NXPE3: variants seen among roughly 807,000 people sequenced by gnomAD.
The protein encoded by NXPE3 is NXPE family member 3.
NXPE3 carries 26 observed loss-of-function variants against 46.1 expected under a neutral mutation model. The observed-to-expected ratio is 0.56, with a 90% CI of 0.41 to 0.78. NXPE3 has a LOEUF of 0.78. Ranked by LOEUF, NXPE3 falls within the 30% of genes least tolerant of loss-of-function variation. NXPE3 has a pLI of 0.00. For missense variants in NXPE3, 620 were observed against 686.0 expected, an observed-to-expected ratio of 0.90 and a Z score of 1.07; for synonymous variants, 272 against 257.9, an observed-to-expected ratio of 1.05 and a Z score of -0.52.
intron 6 of NXPE3, among the ~76,000 whole-genome samples, chr3:101,815,093 A>T (rs974666698): frequency 6.6e-6 from 1 of 152,238 alleles, no homozygotes; most frequent in African/African-American, 2.4e-5. Context: ...GTTTTGAAGC[A>T]TGTAACGTGT....
intron 6 of NXPE3, among the ~76,000 whole-genome samples, chr3:101,814,272 G>A (rs1249399019): frequency 6.6e-6 from 1 of 152,228 alleles, no homozygotes; most frequent in Non-Finnish European, 1.5e-5. Context: ...TAATGAGGGA[G>A]CTTTGCACAA....
intron 7 of NXPE3, among the ~76,000 whole-genome samples, chr3:101,817,866 T>G (rs1043200563): frequency 2.0e-5 from 3 of 152,156 alleles, no homozygotes. Context: ...TTTATCAGCC[T>G]TTTTATTTAT....
chr3:101,814,470 C>A (rs1253543962), intron 6 of NXPE3, among the ~76,000 whole-genome samples: 1 of 152,122 alleles, frequency 6.6e-6, no homozygotes, highest in Non-Finnish European at 1.5e-5. Flanking sequence ...AAAGAATTAG[C>A]AGATGCCGAA....
At chr3:101,814,222 C>T (rs1576776802) in intron 6 of NXPE3, among the ~76,000 whole-genome samples, 1 of 152,326 alleles carries the variant, frequency 6.6e-6, no homozygotes, top group South Asian at 2.1e-4. Context: ...TAGGTGTCGT[C>T]TCTGGAGCTC....
intron 7 of NXPE3, among the ~76,000 whole-genome samples, chr3:101,818,755 T>A (rs868269620): frequency 1.0e-3 from 59 of 57,026 alleles, no homozygotes; most frequent in African/African-American, 2.1e-3. Context: ...ATATATATAT[T>A]TTTTTTTTTT....
Position 101,821,558 on chromosome 3 carries a change from G to T in NXPE3, c.1284G>T (p.Glu428Asp). The T allele has an allele frequency of 1.9e-6, 3 of 1,614,204 alleles. No homozygotes were observed. Among genetic ancestry groups the T allele is most frequent in the Non-Finnish European group, 2.5e-6 (3 of 1,180,042 alleles). ...FSNELHYVAN[E>D]LNGIVGGKNT... ...ATGAGCTCCATTATGTGGCGAATGA[G>T]CTGAATGGCATTGTGGGAGGGAAGA... Residue 428 changes from glutamate (E) to aspartate (D), a missense_variant, in exon 8 of 8, where the codon GAG (glutamate) becomes GAT (aspartate). Coordinates refer to ENST00000273347, the MANE Select transcript of NXPE3 (RefSeq NM_145037.4).
At chr3:101,795,707 T>C (rs1028546711) in intron 4 of NXPE3, among the ~76,000 whole-genome samples, 1 of 152,182 alleles carries the variant, frequency 6.6e-6, no homozygotes, top group Admixed American at 6.5e-5. Context: ...GTATTAGGGC[T>C]TTGGGCTTCA....
At chr3:101,790,843 G>A (rs1940473529) in intron 4 of NXPE3, among the ~76,000 whole-genome samples, 1 of 152,188 alleles carries the variant, frequency 6.6e-6, no homozygotes, top group South Asian at 2.1e-4. Context: ...TGATCCAGCT[G>A]CCTTGGCCTT....
intron 6 of NXPE3, among the ~76,000 whole-genome samples, chr3:101,810,438 C>T (rs763494260): frequency 6.6e-6 from 1 of 152,200 alleles, no homozygotes; most frequent in Admixed American, 6.5e-5. Context: ...GATCTATGCT[C>T]TTACATAATC....
At chr3:101,799,940 G>A (rs897587720) in intron 4 of NXPE3, among the ~76,000 whole-genome samples, 7 of 151,790 alleles carry the variant, frequency 4.6e-5, no homozygotes, top group African/African-American at 1.7e-4. Flanking sequence ...TTAATAATTT[G>A]TGTCCTCCCT....
chr3:101,808,854 T>TATATATACACACATATATATATAC lies in NXPE3; in HGVS notation c.922+1730_922+1731insATATACACACATATATATATACAT, dbSNP rs770360739. ...ATATATATATATATATATATATATA[T>TATATATACACACATATATATATAC]ATGAGACATTTATCTTTTATCTGTT... On this transcript the variant is annotated intron_variant, in intron 6 of 7. Transcript: ENST00000273347. 6.0e-5 allele frequency among the ~76,000 whole-genome samples: 6 copies of TATATATACACACATATATATATAC among 100,348 alleles called. 1 individual carries two copies. The highest frequency in any genetic ancestry group is 3.3e-4 in the Admixed American group (3 of 9,142). 65.8% of individuals were successfully genotyped at this position (100,348 alleles called of 152,430 possible). A position where few individuals can be genotyped will look rare whatever the true frequency, so the allele number is the denominator to read the frequency against.
intron 6 of NXPE3, among the ~76,000 whole-genome samples, chr3:101,811,216 G>A (rs1465248597): frequency 6.6e-6 from 1 of 152,144 alleles, no homozygotes; most frequent in Non-Finnish European, 1.5e-5. Context: ...AGAGTTATGC[G>A]ATGTCCCAAA....
intron 4 of NXPE3, among the ~76,000 whole-genome samples, chr3:101,799,345 C>T (rs1941012616): frequency 6.6e-6 from 1 of 152,074 alleles, no homozygotes. Context: ...TGTATCTAGT[C>T]CTTTTATTTC....
rs1328630223 is a variant in NXPE3, at chr3:101,816,946, A to G, written c.1074A>G (p.Leu358=). ...TECLQRKVVH[L]FGDSTIRQWF... is the part of the protein sequence containing the mutation. The stretch of plus-strand genomic sequence containing the variant: ...GCTTACAAAGAAAAGTGGTGCATTT[A>G]TTTGGTGACTCAACAATCAGGCAAT... Residue 358 remains leucine, a synonymous_variant, in exon 7 of 8, where the codon TTA becomes TTG. Coordinates refer to ENST00000273347, the MANE Select transcript of NXPE3 (RefSeq NM_145037.4). 1.2e-6 allele frequency: 2 copies of G among 1,614,142 alleles called. No individual in the cohort carries two copies. The highest frequency in any genetic ancestry group is 1.7e-6 in the Non-Finnish European group (2 of 1,179,992).
chr3:101,802,035 A>G (rs765583850), intron 5 of NXPE3, 46 bp downstream of exon 5: 3 of 1,532,342 alleles, frequency 2.0e-6, no homozygotes, highest in East Asian at 4.5e-5. Context: ...GTTCTTTTCC[A>G]CTGTCCTTGT....
At chr3:101,789,160 T>G (rs1011097173) in intron 4 of NXPE3, among the ~76,000 whole-genome samples, 12 of 152,212 alleles carry the variant, frequency 7.9e-5, no homozygotes, top group Admixed American at 3.9e-4. Flanking sequence ...TACTTTGGAT[T>G]TAATTGTCTC....
chr3:101,791,782 C>G (rs528234344), intron 4 of NXPE3, among the ~76,000 whole-genome samples: 23 of 152,004 alleles, frequency 1.5e-4, no homozygotes, highest in Middle Eastern at 3.4e-3. Flanking sequence ...GGTAGAATGA[C>G]TTCTATTCCT....
chr3:101,822,954 G>GTTTT lies in NXPE3; in HGVS notation c.*1003_*1004insTTTT, dbSNP rs1293304044. 6.6e-6 allele frequency: 1 copy of GTTTT among 151,644 alleles called. No individual in the cohort carries two copies. Among genetic ancestry groups the GTTTT allele is most frequent in the Non-Finnish European group, 1.5e-5 (1 of 67,914 alleles). The allele number at this position is 151,644 out of a possible 1,614,324, so 9.4% of individuals were successfully genotyped here. Reference sequence around the variant, plus strand: ...ATGACAGTTTTTTGTTTGTTTGTTTGTTTGTTTTTTGGTATTTCTTGATTT... The same window carrying GTTTT: ...ATGACAGTTTTTTGTTTGTTTGTTTGTTTTTTTGTTTTTTGGTATTTCTTGATTT... On this transcript the variant is annotated 3_prime_UTR_variant, in exon 8 of 8. Coordinates refer to ENST00000273347, the MANE Select transcript of NXPE3 (RefSeq NM_145037.4).
At position 101,822,118 on chromosome 3, in the gene NXPE3, T is replaced by C. The variant is rs1560072019; in HGVS notation, c.*164T>C. 3 of 627,522 alleles carry C rather than the reference T, an allele frequency of 4.8e-6. No homozygotes were observed. The highest frequency in any genetic ancestry group is 8.2e-6 in the Non-Finnish European group (3 of 365,314). 38.9% of individuals were successfully genotyped at this position (627,522 alleles called of 1,614,324 possible). ...TTATAAGGAGCTTAGAAAATGCAGG[T>C]TACATTTATATCTACCTATAGGATT... On this transcript the variant is annotated 3_prime_UTR_variant, in exon 8 of 8. Transcript: ENST00000273347.
Sources: allele counts gnomAD v4.1 joint callset (sites outside exome capture counted in the v4.1 genomes callset), GRCh38; gene constraint gnomAD v4.1.1; transcripts MANE v1.5; gene names NCBI Gene and HGNC (gene_info 2026-07-23, HGNC 2026-07-21).